ITK: variants seen among roughly 807,000 people sequenced by gnomAD.
ITK encodes the protein tyrosine-protein kinase ITK/TSK.
A neutral mutation model predicts 87.6 loss-of-function variants in ITK; 45 were observed. The ratio of observed to expected loss-of-function variants is 0.51; its 90% CI spans 0.40 to 0.66. ITK has a LOEUF of 0.66. ITK is among the 30% of genes least tolerant of loss of function. The pLI is 0.00. For synonymous variants in ITK, 303 were observed against 273.6 expected, an observed-to-expected ratio of 1.11 and a Z score of -1.06; for missense variants, 605 against 766.3, an observed-to-expected ratio of 0.79 and a Z score of 2.48.
chr5:157,245,939 G>C lies in ITK; in HGVS notation c.1573G>C (p.Ala525Pro), dbSNP rs753217800. ...STGTKFPVKWASPEVFSFSRY... is the reference protein window; with the variant it reads ...STGTKFPVKWPSPEVFSFSRY... ...AGGCACCAAATTCCCGGTGAAGTGG[G>C]CATCCCCAGAGGTTTTCTCTTTCAG... is the stretch of plus-strand genomic sequence containing the variant. Residue 525 changes from alanine (A) to proline (P), a missense_variant, in exon 15 of 17, where the codon GCA becomes CCA. Ala to Pro is a conservative substitution (Grantham distance 27, BLOSUM62 -1). Around this residue, in one of 3 missense-constraint regions of ITK, gnomAD observed 70 missense variants for 122.5 expected, o/e 0.57. Coordinates refer to ENST00000422843, the MANE Select transcript of ITK (RefSeq NM_005546.4). 1 of 1,614,004 alleles carries C rather than the reference G, an allele frequency of 6.2e-7. No homozygotes were observed. The highest frequency in any genetic ancestry group is 1.7e-5 in the Admixed American group (1 of 60,002).
At chr5:157,195,532 A>T (rs966347728) in intron 1 of ITK, 2 of 152,310 alleles carry the variant, frequency 1.3e-5, no homozygotes, top group Admixed American at 1.3e-4. Flanking sequence ...CAATAATTTT[A>T]AAAAAACAGT....
At chr5:157,243,579 T>C in intron 11 of ITK, 44 bp from the exon 12 acceptor site, 1 of 1,549,304 alleles carries the variant, frequency 6.5e-7, no homozygotes, top group Non-Finnish European at 8.9e-7. Context: ...ATACCTTATA[T>C]CTACTGCTTG....
At chr5:157,238,262 C>T in intron 9 of ITK, 71 bp downstream of exon 9, 1 of 1,190,988 alleles carries the variant, frequency 8.4e-7, no homozygotes, top group East Asian at 2.3e-5. Flanking sequence ...GGGGAAAAGA[C>T]AACAAAGTTA....
intron 1 of ITK, among the ~76,000 whole-genome samples, chr5:157,181,800 G>A (rs1753534223): frequency 6.6e-6 from 1 of 152,192 alleles, no homozygotes; most frequent in Admixed American, 6.5e-5. Context: ...GAAGGAGTAT[G>A]GCTGCTTTGC....
At chr5:157,185,261 CAG>C (rs912128469) in intron 1 of ITK, among the ~76,000 whole-genome samples, 1 of 147,248 alleles carries the variant, frequency 6.8e-6, no homozygotes, top group African/African-American at 2.5e-5. Context: ...TTTTTTTAGA[CAG>C]AGTCTTGCTG....
intron 6 of ITK, among the ~76,000 whole-genome samples, chr5:157,225,838 A>G (rs919012150): frequency 6.6e-6 from 1 of 152,222 alleles, no homozygotes; most frequent in Non-Finnish European, 1.5e-5. Flanking sequence ...CTAGAAATTC[A>G]TTAGTTCAAT....
chr5:157,206,869 G>A (rs1754088594), intron 1 of ITK, among the ~76,000 whole-genome samples: 3 of 151,628 alleles, frequency 2.0e-5, no homozygotes, highest in Admixed American at 2.0e-4. Context: ...ATAATTTTTT[G>A]TGTCTCAATC....
rs1188661690 is a variant in ITK, at chr5:157,243,832, G to A, written c.1232+38G>A. Reference sequence around the variant, plus strand: ...AACAAGGATATGCAGAAACTCTGGGGGGAACATCGGTTCAGTGTTCTTGAA... The same window carrying A: ...AACAAGGATATGCAGAAACTCTGGGAGGAACATCGGTTCAGTGTTCTTGAA... On this transcript the variant is annotated intron_variant, in intron 12 of 16. Coordinates refer to ENST00000422843, the MANE Select transcript of ITK (RefSeq NM_005546.4). The A allele has an allele frequency of 3.1e-6, 5 of 1,589,810 alleles. No homozygotes were observed. In the Admixed American group the frequency reaches 6.7e-5, roughly 21 times the overall value.
chr5:157,203,574 A>G (rs947240629), intron 1 of ITK, among the ~76,000 whole-genome samples: 7 of 152,246 alleles, frequency 4.6e-5, no homozygotes, highest in Admixed American at 1.3e-4. Flanking sequence ...AACAGAGGTC[A>G]AAACACAGCA....
At chr5:157,248,699 A>G (rs2113777472) in intron 15 of ITK, 151 bp from the exon 16 acceptor site, 1 of 833,506 alleles carries the variant, frequency 1.2e-6, no homozygotes. Flanking sequence ...AAAATAGGAC[A>G]GGCCTAATAA....
chr5:157,200,517 C>G (rs1349281267), intron 1 of ITK, among the ~76,000 whole-genome samples: 1 of 152,122 alleles, frequency 6.6e-6, no homozygotes, highest in Non-Finnish European at 1.5e-5. Flanking sequence ...GGCTCATTGA[C>G]CAGCCACCCC....
intron 8 of ITK, 134 bp from the exon 9 acceptor site, chr5:157,237,975 C>T: frequency 1.4e-6 from 1 of 706,680 alleles, no homozygotes. Context: ...AAACGGTAGC[C>T]ATTCTTACTG....
chr5:157,186,682 A>AAGAGAGAGAG (rs61141972), intron 1 of ITK, among the ~76,000 whole-genome samples: 5 of 148,552 alleles, frequency 3.4e-5, no homozygotes, highest in Admixed American at 6.7e-5. Context: ...GTCTCAAAAA[A>AAGAGAGAGAG]AGAGAGAGAG....
intron 13 of ITK, 106 bp from the exon 14 acceptor site, chr5:157,245,620 C>T: frequency 2.3e-6 from 2 of 867,918 alleles, no homozygotes; most frequent in Non-Finnish European, 3.9e-6. Flanking sequence ...CCTTGTATGA[C>T]AGCACTGCAG....
intron 13 of ITK, 123 bp downstream of exon 13, chr5:157,244,601 CCCTT>C (rs1276371072): frequency 5.5e-6 from 4 of 729,286 alleles, no homozygotes; most frequent in Non-Finnish European, 9.8e-6. Context: ...CTCAACTTCT[CCCTT>C]CCTTCACCTA....
At chr5:157,213,605 C>T (rs1006106159) in intron 3 of ITK, 10 of 451,086 alleles carry the variant, frequency 2.2e-5, no homozygotes, top group East Asian at 1.4e-4. Flanking sequence ...TAATCTAGAA[C>T]TCCTGGACTC....
chr5:157,194,279 C>G (rs1292289251), intron 1 of ITK, among the ~76,000 whole-genome samples: 1 of 152,108 alleles, frequency 6.6e-6, no homozygotes, highest in Non-Finnish European at 1.5e-5. Context: ...GAGTGTGTTT[C>G]CATTCACCTG....
At chr5:157,248,764 G>C (rs938593414) in intron 15 of ITK, 86 bp from the exon 16 acceptor site, 1 of 1,437,440 alleles carries the variant, frequency 7.0e-7, no homozygotes, top group Non-Finnish European at 9.8e-7. Flanking sequence ...CTAATGCAAG[G>C]AGTCTGTAAT....
intron 8 of ITK, among the ~76,000 whole-genome samples, chr5:157,233,648 C>T (rs553138481): frequency 1.4e-4 from 22 of 152,206 alleles, no homozygotes; most frequent in Admixed American, 1.2e-3. Context: ...TCAAACCTGG[C>T]GCTGCCAGGC....
Sources: gnomAD v4.1 joint callset for allele counts (sites outside exome capture counted in the v4.1 genomes callset) on GRCh38, gnomAD v4.1.1 for gene constraint, gnomAD v4.1.1 regional missense constraint, MANE v1.5 for transcripts, NCBI Gene and HGNC (gene_info 2026-07-23, HGNC 2026-07-21) for gene names.